Variants in SLC35F3 observed in about 807,000 individuals in gnomAD.
SLC35F3 encodes the protein putative thiamine transporter SLC35F3.
SLC35F3 carries 25 observed loss-of-function variants against 49.9 expected under a neutral mutation model. The ratio of observed to expected loss-of-function variants is 0.50; its 90% CI spans 0.37 to 0.70. The LOEUF is 0.70. SLC35F3 is among the 30% of genes least tolerant of loss of function. The pLI is 0.00. For synonymous variants in SLC35F3, 275 were observed against 265.4 expected (o/e 1.04, Z -0.35); for missense variants, 525 against 639.8 (o/e 0.82, Z 1.94).
At chr1:234,020,435 C>T (rs1352714670) in intron 2 of SLC35F3, among the ~76,000 whole-genome samples, 1 of 152,104 alleles carries the variant, frequency 6.6e-6, no homozygotes, top group East Asian at 1.9e-4. Flanking sequence ...TTCTTCCTGA[C>T]ATTAAAAATC....
At chr1:234,143,246 GT>G in intron 2 of SLC35F3, among the ~76,000 whole-genome samples, 1 of 145,292 alleles carries the variant, frequency 6.9e-6, no homozygotes, top group Non-Finnish European at 1.5e-5. Context: ...GGGAACCACT[GT>G]TCTCTCTGCT....
chr1:234,148,348 C>A (rs905983664), intron 2 of SLC35F3, among the ~76,000 whole-genome samples: 5 of 152,180 alleles, frequency 3.3e-5, no homozygotes, highest in Non-Finnish European at 5.9e-5. Flanking sequence ...CATTTTTTCA[C>A]TTCTTTACCT....
chr1:234,001,216 A>T (rs4443955), intron 2 of SLC35F3, among the ~76,000 whole-genome samples: 18,086 of 152,240 alleles, frequency 0.12, 1,482 homozygotes, highest in East Asian at 0.42. Flanking sequence ...AGATTTTGTC[A>T]TGCTTTATGA....
intron 2 of SLC35F3, among the ~76,000 whole-genome samples, chr1:234,012,808 C>G (rs572346422): frequency 6.6e-6 from 1 of 152,310 alleles, no homozygotes; most frequent in South Asian, 2.1e-4. Flanking sequence ...ATCTCTCTTT[C>G]TTTGCCCTAC....
At chr1:233,922,325 A>G (rs1010680917) in intron 2 of SLC35F3, among the ~76,000 whole-genome samples, 6 of 152,022 alleles carry the variant, frequency 3.9e-5, no homozygotes, top group Non-Finnish European at 7.4e-5. Context: ...CTTTTTAATG[A>G]TCGCCATTCT....
rs556413142 is a variant in SLC35F3, at chr1:234,284,755, G to A, written c.609-24346G>A. Among the ~76,000 whole-genome samples the A allele has an allele frequency of 8.5e-5, 13 of 152,244 alleles. No homozygotes were observed. The South Asian group carries it at 1.7e-3, about 19-fold the overall frequency. On this transcript the variant is annotated intron_variant, in intron 3 of 7. Coordinates refer to ENST00000366618, the MANE Select transcript of SLC35F3 (RefSeq NM_173508.4). ...AACTCGTTCTGAATGATGATGCTCCGGGGTATCAACAGAACTAGCAAGTGA... is the reference window on the plus strand; with the variant it reads ...AACTCGTTCTGAATGATGATGCTCCAGGGTATCAACAGAACTAGCAAGTGA...
intron 3 of SLC35F3, among the ~76,000 whole-genome samples, chr1:234,292,325 A>C (rs1017523273): frequency 6.6e-6 from 1 of 152,350 alleles, no homozygotes; most frequent in Non-Finnish European, 1.5e-5. Context: ...TTGCATAGAC[A>C]ACATGGTCAG....
intron 2 of SLC35F3, among the ~76,000 whole-genome samples, chr1:233,907,399 A>G (rs1178944696): frequency 1.3e-5 from 2 of 152,240 alleles, no homozygotes; most frequent in Non-Finnish European, 2.9e-5. Context: ...TGTAATTAAG[A>G]CAAGAGAAGG....
At chr1:234,279,201 A>G (rs1039663447) in intron 3 of SLC35F3, among the ~76,000 whole-genome samples, 4 of 152,162 alleles carry the variant, frequency 2.6e-5, no homozygotes, top group Non-Finnish European at 4.4e-5. Flanking sequence ...CAGATAAGAG[A>G]CAAATGGTTA....
intron 2 of SLC35F3, among the ~76,000 whole-genome samples, chr1:234,141,161 A>G (rs1243810535): frequency 6.6e-6 from 1 of 152,178 alleles, no homozygotes; most frequent in Non-Finnish European, 1.5e-5. Context: ...CCTCCCTGGC[A>G]TTTTTATTGG....
intron 3 of SLC35F3, among the ~76,000 whole-genome samples, chr1:234,243,761 C>T (rs1408424914): frequency 1.3e-5 from 2 of 152,184 alleles, no homozygotes; most frequent in Non-Finnish European, 2.9e-5. Flanking sequence ...GATCCCTGCT[C>T]CTGCTACAGT....
intron 2 of SLC35F3, among the ~76,000 whole-genome samples, chr1:234,106,196 A>G (rs1168625206): frequency 1.3e-5 from 2 of 152,212 alleles, no homozygotes; most frequent in East Asian, 3.8e-4. Flanking sequence ...TGGCAATCCC[A>G]TTCTTCTTTG....
intron 2 of SLC35F3, among the ~76,000 whole-genome samples, chr1:234,081,755 T>C (rs115789548): frequency 0.032 from 4,884 of 151,822 alleles, 117 homozygotes; most frequent in Non-Finnish European, 0.048. Flanking sequence ...TTTTTTTCTT[T>C]GACACAGAGT....
At chr1:234,230,453 G>A (rs2102950077) in intron 2 of SLC35F3, among the ~76,000 whole-genome samples, 1 of 152,320 alleles carries the variant, frequency 6.6e-6, no homozygotes, top group African/African-American at 2.4e-5. Context: ...TCAGCTAGGT[G>A]CCAGGCACAA....
At chr1:234,276,703 C>T (rs1216284523) in intron 3 of SLC35F3, among the ~76,000 whole-genome samples, 1 of 152,214 alleles carries the variant, frequency 6.6e-6, no homozygotes, top group African/African-American at 2.4e-5. Context: ...TTCAAGCAGA[C>T]TTATTCTCCA....
intron 2 of SLC35F3, among the ~76,000 whole-genome samples, chr1:234,122,441 T>A (rs565850279): frequency 1.1e-4 from 17 of 152,352 alleles, no homozygotes; most frequent in African/African-American, 4.1e-4. Flanking sequence ...TCAAATGGCA[T>A]CATATTTGGG....
intron 3 of SLC35F3, among the ~76,000 whole-genome samples, chr1:234,238,255 A>G (rs1426816162): frequency 6.6e-6 from 1 of 152,224 alleles, no homozygotes; most frequent in African/African-American, 2.4e-5. Flanking sequence ...GCAAAATACC[A>G]TGCCCCATAC....
At chr1:234,242,407 A>C (rs1667567452) in intron 3 of SLC35F3, among the ~76,000 whole-genome samples, 1 of 152,170 alleles carries the variant, frequency 6.6e-6, no homozygotes, top group African/African-American at 2.4e-5. Context: ...ATTCAAAGAG[A>C]GGTTCCAGCT....
chr1:233,988,150 A>G (rs1247328309), intron 2 of SLC35F3, among the ~76,000 whole-genome samples: 1 of 152,194 alleles, frequency 6.6e-6, no homozygotes, highest in Non-Finnish European at 1.5e-5. Context: ...GTATTTATCA[A>G]GCAGTGAGCT....
Sources: gnomAD v4.1 joint callset for allele counts (sites outside exome capture counted in the v4.1 genomes callset) on GRCh38, gnomAD v4.1.1 for gene constraint, MANE v1.5 for transcripts, NCBI Gene and HGNC (gene_info 2026-07-23, HGNC 2026-07-21) for gene names.